ABCA1: variants seen among roughly 807,000 people sequenced by gnomAD.
ABCA1 encodes ATP binding cassette subfamily A member 1.
Under a neutral mutation model 262.5 loss-of-function variants are expected in ABCA1, and 133 were observed. The ratio of observed to expected loss-of-function variants is 0.51; its 90% confidence interval spans 0.44 to 0.59. The LOEUF (loss-of-function observed/expected upper bound fraction) is 0.59. Among genes scored for constraint, ABCA1 ranks in the 20% least tolerant of loss-of-function variants. The pLI, the probability that ABCA1 is intolerant of heterozygous loss-of-function variation, is 0.00. For missense variants in ABCA1, 2,452 were observed against 2,777.5 expected, an observed-to-expected ratio of 0.88 and a Z score of 2.63; for synonymous variants, 1,022 against 1,043.5, an observed-to-expected ratio of 0.98 and a Z score of 0.40.
At chr9:104,880,927 G>C (rs1012350345) in intron 5 of ABCA1, among the ~76,000 whole-genome samples, 1 of 152,112 alleles carries the variant, frequency 6.6e-6, no homozygotes, top group Non-Finnish European at 1.5e-5. Context: ...TAGGCGGGCA[G>C]ATCACGAGGT....
Position 104,796,038 on chromosome 9 carries a change from C to T in ABCA1, c.5382+15G>A, listed in dbSNP as rs1218506519. ...ATGCTCATCCCAGCAGGAGTGTTCT[C>T]TCTGCATGACTCACATTGTCGGTGA... On this transcript the variant is annotated intron_variant, in intron 39 of 49. Transcript: ENST00000374736. The T allele has an allele frequency of 6.2e-7, 1 of 1,612,298 alleles. No homozygotes were observed. The highest frequency in any genetic ancestry group is 8.5e-7 in the Non-Finnish European group (1 of 1,179,936).
rs557626075 is a variant in ABCA1, at chr9:104,882,028, T to TAAAAAAAAAAAAAAA, written c.421+996_421+1010dup. Among the ~76,000 whole-genome samples the TAAAAAAAAAAAAAAA allele has an allele frequency of 3.3e-4, 24 of 73,750 alleles. 2 individuals carry two copies. Among genetic ancestry groups the TAAAAAAAAAAAAAAA allele is most frequent in the East Asian group, 1.1e-3 (2 of 1,778 alleles). The allele number at this position is 73,750 out of a possible 152,430, so 48.4% of individuals were successfully genotyped here. On this transcript the variant is annotated intron_variant, in intron 5 of 49. Transcript: ENST00000374736. ...CAAGGAAAGCACAGTTCTGTAGCCT[T>TAAAAAAAAAAAAAAA]AAAAAAAAAAAAAAAAAAAAAAAAA...
intron 13 of ABCA1, 37 bp downstream of exon 13, chr9:104,831,585 C>T (rs1210000258): frequency 6.3e-7 from 1 of 1,575,784 alleles, no homozygotes. Flanking sequence ...CTCTGGACCT[C>T]CCCAAGACCA....
At chr9:104,848,851 A>G (rs76314320) in intron 7 of ABCA1, among the ~76,000 whole-genome samples, 8,620 of 152,034 alleles carry the variant, frequency 0.057, 854 homozygotes, top group African/African-American at 0.2. Flanking sequence ...TGAAGAGGCC[A>G]CTCGGTTCAC....
At chr9:104,793,150 G>A (rs1021652476) in intron 41 of ABCA1, 21 bp downstream of exon 41, 1 of 1,613,742 alleles carries the variant, frequency 6.2e-7, no homozygotes, top group Non-Finnish European at 8.5e-7. Context: ...GGTGCTCCAC[G>A]GGTTCTAAGA....
chr9:104,798,979 G>A (rs887268590), intron 36 of ABCA1, among the ~76,000 whole-genome samples: 6 of 152,040 alleles, frequency 3.9e-5, no homozygotes, highest in African/African-American at 1.4e-4. Context: ...CTAAATGAGA[G>A]CAGAAATATT....
intron 5 of ABCA1, among the ~76,000 whole-genome samples, chr9:104,862,637 GCC>G (rs1836536385): frequency 5.8e-4 from 1 of 1,718 alleles, no homozygotes; most frequent in East Asian, 0.026. Context: ...AGACTGCCGG[GCC>G]GGGCCGGGCC....
Position 104,785,544 on chromosome 9 carries a change from C to T in ABCA1, c.6497G>A (p.Ser2166Asn). 1.2e-6 allele frequency: 2 copies of T among 1,609,244 alleles called. No homozygotes were observed. The highest frequency in any genetic ancestry group is 2.2e-5 in the South Asian group (2 of 90,970). Reference sequence around the variant, plus strand: ...GTTCCGGTGTTTCTCTTTTAGAACACTTCCAGGAAATGCAAGTCCAAAGAA... The same window carrying T: ...GTTCCGGTGTTTCTCTTTTAGAACATTTCCAGGAAATGCAAGTCCAAAGAA... ...QDFFGLAFPG[S>N]VLKEKHRNML... The change falls in exon 49 of 50, where the codon AGT becomes AAT. Residue 2166 changes from serine (S) to asparagine (N), a missense_variant. Physicochemically the swap from Ser to Asn is conservative, Grantham distance 46. Coordinates refer to ENST00000374736, the MANE Select transcript of ABCA1 (RefSeq NM_005502.4).
intron 37 of ABCA1, among the ~76,000 whole-genome samples, chr9:104,797,582 C>T (rs1830006406): frequency 6.6e-6 from 1 of 152,064 alleles, no homozygotes; most frequent in African/African-American, 2.4e-5. Flanking sequence ...AACGGACATT[C>T]ACAATATACA....
intron 15 of ABCA1, 113 bp from the exon 16 acceptor site, chr9:104,827,282 G>T: frequency 1.1e-6 from 1 of 875,092 alleles, no homozygotes; most frequent in Non-Finnish European, 1.9e-6. Context: ...AGACAATGCA[G>T]AGGCGTAATG....
chr9:104,862,642 GCC>G (rs1836555790), intron 5 of ABCA1, among the ~76,000 whole-genome samples: 2 of 3,972 alleles, frequency 5.0e-4, no homozygotes, highest in South Asian at 0.018. Flanking sequence ...GCCGGGCCGG[GCC>G]GGGCCGGGCC....
intron 2 of ABCA1, among the ~76,000 whole-genome samples, chr9:104,893,150 TG>T (rs948256908): frequency 6.6e-6 from 1 of 151,898 alleles, no homozygotes; most frequent in African/African-American, 2.4e-5. Flanking sequence ...AGGCCGGGCG[TG>T]GTGGCTCACA....
At chr9:104,855,029 A>G in intron 7 of ABCA1, 1 of 450,940 alleles carries the variant, frequency 2.2e-6, no homozygotes, top group Non-Finnish European at 2.9e-6. Flanking sequence ...GCGTTCTGAC[A>G]TCCAGTATTA....
intron 5 of ABCA1, among the ~76,000 whole-genome samples, chr9:104,879,553 T>C (rs1435579170): frequency 6.6e-6 from 1 of 152,210 alleles, no homozygotes; most frequent in Non-Finnish European, 1.5e-5. Context: ...TAGGATAGCA[T>C]AGGGAATCTA....
In ABCA1 at chr9:104,832,745, G is replaced by C. The variant is rs148314522; in HGVS notation, c.1338C>G (p.Asp446Glu). 2.4e-4 allele frequency: 390 copies of C among 1,614,194 alleles called. No individual in the cohort carries two copies. The Middle Eastern group carries it at 4.0e-3, about 16-fold the overall frequency. ...VRMLLDSRDN[D>E]HFWEQQLDGL... ...CATCCAACTGCTGTTCCCAAAAGTG[G>C]TCATTGTCCCTGCTGTCCAACAGCA... is the stretch of plus-strand genomic sequence containing the variant. Residue 446 changes from aspartate (D) to glutamate (E), a missense_variant, in exon 12 of 50, where the codon GAC becomes GAG. This residue lies in a region of ABCA1 where 1,032 missense variants were observed against 1,089.7 expected (regional missense o/e 0.95). Coordinates refer to ENST00000374736, the MANE Select transcript of ABCA1 (RefSeq NM_005502.4).
intron 5 of ABCA1, among the ~76,000 whole-genome samples, chr9:104,871,430 C>T (rs1271851006): frequency 2.0e-5 from 3 of 152,042 alleles, no homozygotes; most frequent in Non-Finnish European, 4.4e-5. Flanking sequence ...GGTTGAAGAC[C>T]CTGAATGGTA....
Position 104,825,685 on chromosome 9 carries a change from G to A in ABCA1, c.2540C>T (p.Pro847Leu). Reference protein sequence around the residue: ...VMTWYIEAVFPGQYGIPRPWY... With the variant: ...VMTWYIEAVFLGQYGIPRPWY... ...AACAGATGCCCAAAGCAGTGTACCTGGAAAGACAGCCTCAATGTACCAGGT... is the reference window on the plus strand; with the variant it reads ...AACAGATGCCCAAAGCAGTGTACCTAGAAAGACAGCCTCAATGTACCAGGT... The change falls in exon 17 of 50, where the codon CCA becomes CTA. Residue 847 changes from proline (P) to leucine (L), a missense_variant and splice_region_variant. Coordinates refer to ENST00000374736, the MANE Select transcript of ABCA1 (RefSeq NM_005502.4). 3.1e-6 allele frequency: 5 copies of A among 1,614,126 alleles called. No homozygotes were observed. The highest frequency in any genetic ancestry group is 3.4e-6 in the Non-Finnish European group (4 of 1,179,988).
At chr9:104,867,130 C>A (rs943365571) in intron 5 of ABCA1, among the ~76,000 whole-genome samples, 1 of 152,140 alleles carries the variant, frequency 6.6e-6, no homozygotes, top group Non-Finnish European at 1.5e-5. Flanking sequence ...TGAAACAAAC[C>A]AAGTAAAGAG....
intron 43 of ABCA1, among the ~76,000 whole-genome samples, chr9:104,791,297 T>C (rs1009952293): frequency 1.3e-5 from 2 of 152,066 alleles, no homozygotes; most frequent in Non-Finnish European, 2.9e-5. Context: ...GCTAGCCAAA[T>C]TGCACCACCT....
Sources: allele counts gnomAD v4.1 joint callset (sites outside exome capture counted in the v4.1 genomes callset), GRCh38; gene constraint gnomAD v4.1.1; regional missense constraint gnomAD v4.1.1; transcripts MANE v1.5; gene names NCBI Gene and HGNC (gene_info 2026-07-23, HGNC 2026-07-21).